Variants in UTRN observed in about 807,000 individuals in gnomAD.
UTRN encodes dystrophin-related protein 1.
In UTRN, 283 loss-of-function variants were observed where a neutral mutation model predicts 463.9. That is an observed-to-expected ratio of 0.61 (90% CI 0.55 to 0.67). The LOEUF is 0.67. UTRN is among the 30% of genes least tolerant of loss of function. The pLI is 0.00. For synonymous variants in UTRN, 1,442 were observed against 1,431.5 expected (o/e 1.01, Z -0.17); for missense variants, 3,922 against 4,084.3 (o/e 0.96, Z 1.08).
intron 50 of UTRN, among the ~76,000 whole-genome samples, chr6:144,561,218 T>C (rs1350617715): frequency 0.032 from 733 of 22,784 alleles, 39 homozygotes; most frequent in East Asian, 0.098. Context: ...TATATATATA[T>C]ATATATATAT....
chr6:144,734,866 A>G (rs188207873), intron 54 of UTRN, among the ~76,000 whole-genome samples: 5 of 152,236 alleles, frequency 3.3e-5, no homozygotes, highest in Admixed American at 2.6e-4. Flanking sequence ...CACAGACTGT[A>G]TGCCAGGGGG....
rs76975660 is a variant in UTRN at position 144,436,449 on chromosome 6, A to G, written c.1059+311A>G. On this transcript the variant is annotated intron_variant, in intron 10 of 74. Transcript: ENST00000367545. ...ATTTCAAAAGCAAACGAGTGAACCA[A>G]TACACCAAATCTTTAAGATTTGAGT... Among the ~76,000 whole-genome samples, 1,791 of 152,286 alleles carry G rather than the reference A, an allele frequency of 0.012. 70 individuals are homozygous for G. In the East Asian group the frequency reaches 0.14, roughly 12 times the overall value.
At chr6:144,574,447 C>T (rs1004843071) in intron 50 of UTRN, among the ~76,000 whole-genome samples, 12 of 152,064 alleles carry the variant, frequency 7.9e-5, no homozygotes, top group Non-Finnish European at 1.6e-4. Context: ...CCATTGTATC[C>T]CTGTACCAAA....
chr6:144,547,407 TTTTG>T (rs1387596888), intron 46 of UTRN, among the ~76,000 whole-genome samples: 1 of 152,216 alleles, frequency 6.6e-6, no homozygotes, highest in Non-Finnish European at 1.5e-5. Context: ...CTTTTTTGTG[TTTTG>T]TTTGAGAGCT....
At chr6:144,492,756 C>T (rs781539377) in intron 32 of UTRN, among the ~76,000 whole-genome samples, 3 of 152,086 alleles carry the variant, frequency 2.0e-5, no homozygotes, top group Non-Finnish European at 4.4e-5. Context: ...TGATTTGCAT[C>T]AGAAATCTGT....
intron 51 of UTRN, among the ~76,000 whole-genome samples, chr6:144,636,396 TGG>T (rs912382573): frequency 7.0e-6 from 1 of 141,966 alleles, no homozygotes; most frequent in South Asian, 2.3e-4. Context: ...TGTCAGGGGG[TGG>T]GGGGCTAGGG....
At position 144,542,796 on chromosome 6, in the gene UTRN, T is replaced by C. The variant is rs1798089939; in HGVS notation, c.6521T>C (p.Ile2174Thr). Residue 2174 changes from isoleucine to threonine, a missense_variant and splice_region_variant, in exon 46 of 75, where the codon ATT becomes ACT. Ile to Thr is a moderately conservative substitution (Grantham distance 89). Transcript: ENST00000367545. ...LRTVNMTWNKICREVPTTLKE... is the reference protein window; with the variant it reads ...LRTVNMTWNKTCREVPTTLKE... ...TTTCTGTTTGTCCTGATGCGGTAGA[T>C]TTGCAGAGAGGTGCCTACCACCCTG... 1.2e-6 allele frequency: 2 copies of C among 1,613,346 alleles called. No individual in the cohort carries two copies. Among genetic ancestry groups the C allele is most frequent in the Admixed American group, 1.7e-5 (1 of 59,910 alleles).
At chr6:144,368,617 T>C (rs1448915304) in intron 2 of UTRN, among the ~76,000 whole-genome samples, 2 of 151,908 alleles carry the variant, frequency 1.3e-5, no homozygotes, top group African/African-American at 4.8e-5. Flanking sequence ...ACTTTAAAAA[T>C]GCAAAAATTA....
intron 26 of UTRN, among the ~76,000 whole-genome samples, chr6:144,481,825 A>C (rs941922593): frequency 3.3e-5 from 5 of 152,272 alleles, no homozygotes; most frequent in Non-Finnish European, 7.3e-5. Context: ...TGGGAGGCCA[A>C]GGTGGGTGGA....
chr6:144,544,357 C>A (rs903710828), intron 46 of UTRN, among the ~76,000 whole-genome samples: 1 of 152,070 alleles, frequency 6.6e-6, no homozygotes, highest in African/African-American at 2.4e-5. Flanking sequence ...CTATCTAGTT[C>A]CAAAATATTT....
intron 51 of UTRN, among the ~76,000 whole-genome samples, chr6:144,659,417 C>T (rs1779635913): frequency 6.6e-6 from 1 of 152,196 alleles, no homozygotes; most frequent in South Asian, 2.1e-4. Context: ...CTCTCCCCTG[C>T]CACAAAGCCG....
chr6:144,343,932 T>C (rs1777346723), intron 2 of UTRN, among the ~76,000 whole-genome samples: 1 of 151,816 alleles, frequency 6.6e-6, no homozygotes, highest in Non-Finnish European at 1.5e-5. Flanking sequence ...ATCTCTGTCA[T>C]AGGAACATGA....
At chr6:144,660,007 C>T (rs1031972082) in intron 51 of UTRN, 1 of 342,532 alleles carries the variant, frequency 2.9e-6, no homozygotes, top group Non-Finnish European at 5.8e-6. Context: ...TTGCGAACTC[C>T]GAAGTCCATG....
intron 2 of UTRN, among the ~76,000 whole-genome samples, chr6:144,356,952 C>T (rs1332396247): frequency 6.6e-6 from 1 of 151,526 alleles, no homozygotes; most frequent in Non-Finnish European, 1.5e-5. Flanking sequence ...ATAGTTAAAT[C>T]ACCACATGCA....
intron 65 of UTRN, among the ~76,000 whole-genome samples, chr6:144,814,066 A>T (rs1308033530): frequency 6.6e-6 from 1 of 152,202 alleles, no homozygotes; most frequent in Non-Finnish European, 1.5e-5. Flanking sequence ...CTCAAACTCA[A>T]GTACTGCTAT....
intron 51 of UTRN, among the ~76,000 whole-genome samples, chr6:144,623,392 A>G (rs970141556): frequency 5.9e-5 from 9 of 152,228 alleles, no homozygotes; most frequent in African/African-American, 7.2e-5. Flanking sequence ...TTATTTGCAA[A>G]TGACAGTGAT....
chr6:144,525,264 C>T (rs998804999), intron 41 of UTRN, among the ~76,000 whole-genome samples: 2 of 152,058 alleles, frequency 1.3e-5, no homozygotes, highest in Admixed American at 1.3e-4. Context: ...GGATTGGTAC[C>T]AATTCTTCTT....
chr6:144,781,839 C>A, intron 60 of UTRN, 83 bp from the exon 61 acceptor site: 1 of 1,005,678 alleles, frequency 9.9e-7, no homozygotes, highest in Non-Finnish European at 1.5e-6. Context: ...ATACTTGAGA[C>A]TAGAAATGCC....
intron 33 of UTRN, among the ~76,000 whole-genome samples, chr6:144,498,260 T>G (rs1360144566): frequency 1.3e-5 from 2 of 152,234 alleles, no homozygotes; most frequent in African/African-American, 4.8e-5. Context: ...CTTAACCTCT[T>G]TAAGTTTCAT....
Sources: gnomAD v4.1 joint callset for allele counts (sites outside exome capture counted in the v4.1 genomes callset) on GRCh38, gnomAD v4.1.1 for gene constraint, MANE v1.5 for transcripts, NCBI Gene and HGNC (gene_info 2026-07-23, HGNC 2026-07-21) for gene names.